Variants in UMODL1 observed in about 807,000 individuals in gnomAD.
UMODL1 encodes the protein uromodulin-like 1.
A neutral mutation model predicts 136.3 loss-of-function variants in UMODL1; 128 were observed. That is an observed-to-expected ratio of 0.94 (90% confidence interval 0.81 to 1.09). The LOEUF (loss-of-function observed/expected upper bound fraction) is 1.09. Ranked by LOEUF, UMODL1 falls within the 50% of genes least tolerant of loss-of-function variation. The pLI, the probability that UMODL1 is intolerant of heterozygous loss-of-function variation, is 0.00. For synonymous variants in UMODL1, 721 were observed against 720.0 expected (o/e 1.00, Z -0.02); for missense variants, 1,766 against 1,725.6 (o/e 1.02, Z -0.41).
rs200626572 is a variant in UMODL1, at chr21:42,119,201, G to C, written c.2566G>C (p.Val856Leu). 1.5e-4 allele frequency: 241 copies of C among 1,614,094 alleles called. 1 individual carries two copies. Among genetic ancestry groups the C allele is most frequent in the Admixed American group, 1.0e-4 (6 of 60,016 alleles). The change falls in exon 15 of 23, where the codon GTG becomes CTG. Residue 856 changes from valine to leucine, a missense_variant. Physicochemically the swap from Val to Leu is conservative, Grantham distance 32. Coordinates refer to ENST00000408910, the MANE Select transcript of UMODL1 (RefSeq NM_001004416.3). ...CGTCAGCGTCACCAACGGCAGCATCGTGGTGGAGTTTCACTTGCTGATAAT... is the reference window on the plus strand; with the variant it reads ...CGTCAGCGTCACCAACGGCAGCATCCTGGTGGAGTTTCACTTGCTGATAAT... ...EVVSVTNGSI[V>L]VEFHLLIIAD...
intron 1 of UMODL1, among the ~76,000 whole-genome samples, chr21:42,074,499 C>T (rs1569138602): frequency 1.3e-5 from 2 of 152,150 alleles, no homozygotes; most frequent in Admixed American, 6.5e-5. Context: ...GAAGCCCAGG[C>T]ACCACGTCAG....
chr21:42,131,444 G>A (rs1297028601), intron 21 of UMODL1, among the ~76,000 whole-genome samples: 1 of 39,342 alleles, frequency 2.5e-5, no homozygotes, highest in African/African-American at 6.6e-5. Flanking sequence ...ACAGGAGGAG[G>A]GAGGTCTCAG....
At chr21:42,126,756 G>A (rs1046519642) in intron 18 of UMODL1, among the ~76,000 whole-genome samples, 1 of 152,134 alleles carries the variant, frequency 6.6e-6, no homozygotes, top group Admixed American at 6.5e-5. Flanking sequence ...CCTCCATCAG[G>A]CACCACTTTT....
In UMODL1 at chr21:42,142,389, G is replaced by A. The variant is rs1481929428; in HGVS notation, c.*315G>A. 6.6e-6 allele frequency: 1 copy of A among 152,328 alleles called. No individual in the cohort carries two copies. Among genetic ancestry groups the A allele is most frequent in the South Asian group, 2.1e-4 (1 of 4,832 alleles). 9.4% of individuals were successfully genotyped at this position (152,328 alleles called of 1,614,324 possible). ...CGGGGGCAGTCCTGGGGGTGCTGCG[G>A]CTACACCACCACCCGCGCGGCCCCC... On this transcript the variant is annotated 3_prime_UTR_variant, in exon 23 of 23. Coordinates refer to ENST00000408910, the MANE Select transcript of UMODL1 (RefSeq NM_001004416.3).
In UMODL1 at chr21:42,099,158, C is replaced by T. The variant is rs745798037; in HGVS notation, c.1164C>T (p.Ser388=). ...TSYQGCGADV[S]TTLTIKTNAQ... is the part of the protein sequence containing the mutation. The stretch of plus-strand genomic sequence containing the variant: ...ACCAGGGGTGCGGGGCCGACGTCTC[C>T]ACCACGCTGACCATCAAAACCAGTA... Residue 388 remains serine (S), a synonymous_variant, in exon 7 of 23, where the codon TCC becomes TCT. Transcript: ENST00000408910. The surrounding 1 kb of genome is among the most constrained non-coding windows in gnomAD (Gnocchi z 4.1). 5.6e-6 allele frequency: 9 copies of T among 1,612,890 alleles called. No individual in the cohort carries two copies. In the South Asian group the frequency reaches 7.7e-5, roughly 14 times the overall value.
At chr21:42,069,895 C>A (rs370136099), upstream of UMODL1, among the ~76,000 whole-genome samples, 1 of 152,014 alleles carries the variant, frequency 6.6e-6, no homozygotes, top group East Asian at 1.9e-4. Flanking sequence ...ATAGCTTTAA[C>A]ATTTATTCTT....
chr21:42,133,381 C>A (rs1026122885), intron 21 of UMODL1, among the ~76,000 whole-genome samples: 1 of 152,246 alleles, frequency 6.6e-6, no homozygotes. Context: ...GGTACCTGCA[C>A]GAGCTGGGCC....
In UMODL1 at chr21:42,090,295, T is replaced by C; in HGVS notation, c.791-3T>C. On this transcript the variant is annotated splice_region_variant and splice_polypyrimidine_tract_variant and intron_variant, in intron 5 of 22. Coordinates refer to ENST00000408910, the MANE Select transcript of UMODL1 (RefSeq NM_001004416.3). ...GTGTGGGTCCTGCTCTCCTTCCCTG[T>C]AGATGTCAATGAGTGTTTCTATGAG... 5.0e-6 allele frequency: 8 copies of C among 1,614,158 alleles called. No homozygotes were observed. The highest frequency in any genetic ancestry group is 6.8e-6 in the Non-Finnish European group (8 of 1,180,010).
In UMODL1 at chr21:42,099,021, C is replaced by T. The variant is rs1174095473; in HGVS notation, c.1027C>T (p.His343Tyr). 6.2e-7 allele frequency: 1 copy of T among 1,614,216 alleles called. No homozygotes were observed. Among genetic ancestry groups the T allele is most frequent in the South Asian group, 1.1e-5 (1 of 91,082 alleles). ...RLNSTQNHTFHVRVYRGMELL... is the reference protein window; with the variant it reads ...RLNSTQNHTFYVRVYRGMELL... ...AAATTCTACACAGAACCACACTTTC[C>T]ATGTCCGGGTTTACCGGGGTATGGA... Residue 343 changes from histidine (H) to tyrosine (Y), a missense_variant, in exon 7 of 23, where the codon CAT becomes TAT. His to Tyr is a moderately conservative substitution (Grantham distance 83). Coordinates refer to ENST00000408910, the MANE Select transcript of UMODL1 (RefSeq NM_001004416.3). The surrounding 1 kb of genome is among the most constrained non-coding windows in gnomAD (Gnocchi z 4.1).
At chr21:42,125,181 A>T (rs1220455310) in intron 17 of UMODL1, among the ~76,000 whole-genome samples, 2 of 152,178 alleles carry the variant, frequency 1.3e-5, no homozygotes, top group Non-Finnish European at 2.9e-5. Flanking sequence ...AACCGGGTGG[A>T]CGTCCTGAGC....
chr21:42,104,606 C>G (rs533761572), intron 9 of UMODL1, among the ~76,000 whole-genome samples: 1 of 152,130 alleles, frequency 6.6e-6, no homozygotes, highest in Admixed American at 6.5e-5. Flanking sequence ...CCTGCCACCA[C>G]GCCTGGCTAA....
intron 17 of UMODL1, 112 bp from the exon 18 acceptor site, chr21:42,126,233 G>C: frequency 6.8e-7 from 1 of 1,471,758 alleles, no homozygotes; most frequent in East Asian, 2.3e-5. Context: ...CTGCTGGGGA[G>C]AGGCTTTAGA....
chr21:42,136,399 G>A (rs964492916), intron 21 of UMODL1, among the ~76,000 whole-genome samples: 8 of 152,212 alleles, frequency 5.3e-5, no homozygotes, highest in African/African-American at 1.7e-4. Flanking sequence ...AAAGTCACTC[G>A]TTTGCTTTCT....
chr21:42,118,550 G>A (rs1162549595), intron 14 of UMODL1, among the ~76,000 whole-genome samples: 1 of 152,174 alleles, frequency 6.6e-6, no homozygotes, highest in African/African-American at 2.4e-5. Flanking sequence ...AAAGCAGGGC[G>A]TTCGGGGGCA....
rs112746788 is a variant in UMODL1, at chr21:42,130,221, C to CGTGTGTGTGT, written c.3775+440_3775+449dup. ...TCAAGCTATAATCAGGCCATGTCAACGTGTGTGTGTGTGTGTGTGTGTGTG... is the reference window on the plus strand; with the variant it reads ...TCAAGCTATAATCAGGCCATGTCAACGTGTGTGTGTGTGTGTGTGTGTGTGTGTGTGTGTG... On this transcript the variant is annotated intron_variant, in intron 21 of 22. Coordinates refer to ENST00000408910, the MANE Select transcript of UMODL1 (RefSeq NM_001004416.3). 4.1e-3 allele frequency among the ~76,000 whole-genome samples: 617 copies of CGTGTGTGTGT among 150,564 alleles called. 4 individuals carry two copies. Among genetic ancestry groups the CGTGTGTGTGT allele is most frequent in the African/African-American group, 0.014 (560 of 41,002 alleles).
chr21:42,122,742 G>C lies in UMODL1; in HGVS notation c.2828-89G>C. 1 of 1,358,040 alleles carries C rather than the reference G, an allele frequency of 7.4e-7. No homozygotes were observed. Among genetic ancestry groups the C allele is most frequent in the Non-Finnish European group, 9.8e-7 (1 of 1,015,494 alleles). 84.1% of individuals were successfully genotyped at this position (1,358,040 alleles called of 1,614,324 possible). On this transcript the variant is annotated intron_variant, in intron 16 of 22. Transcript: ENST00000408910. The surrounding 1 kb of genome is among the most constrained non-coding windows in gnomAD (Gnocchi z 4.3). Reference sequence around the variant, plus strand: ...AGGTGTGGCTGCTGCAGAGTGCAGGGCAGCTCCAGTCTGCTCCTTACCCCT... The same window carrying C: ...AGGTGTGGCTGCTGCAGAGTGCAGGCCAGCTCCAGTCTGCTCCTTACCCCT...
Position 42,078,235 on chromosome 21 carries a change from T to C in UMODL1, c.319+1988T>C, listed in dbSNP as rs12481732. Among the ~76,000 whole-genome samples the C allele has an allele frequency of 9.4e-3, 250 of 26,530 alleles. 14 individuals carry two copies. The highest frequency in any genetic ancestry group is 0.017 in the African/African-American group (100 of 5,774). The allele number at this position is 26,530 out of a possible 152,430, so 17.4% of individuals were successfully genotyped here. ...CCCAGAGCAACACCTCCATCACCAA[T>C]AGAAACCAGGCGGGGCCAGCTGACC... On this transcript the variant is annotated intron_variant, in intron 2 of 22. Coordinates refer to ENST00000408910, the MANE Select transcript of UMODL1 (RefSeq NM_001004416.3).
intron 22 of UMODL1, among the ~76,000 whole-genome samples, chr21:42,139,848 A>G (rs1476918258): frequency 1.3e-5 from 2 of 152,218 alleles, no homozygotes; most frequent in African/African-American, 4.8e-5. Context: ...CATGTTAGTT[A>G]CCAGGAGTCC....
At chr21:42,071,420 G>C in intron 1 of UMODL1, 28 bp downstream of exon 1, 1 of 1,547,510 alleles carries the variant, frequency 6.5e-7, no homozygotes, top group Non-Finnish European at 8.7e-7. Context: ...GGCATGGGCA[G>C]TTCTTAAGGA....
Sources: allele counts gnomAD v4.1 joint callset (sites outside exome capture counted in the v4.1 genomes callset), GRCh38; gene constraint gnomAD v4.1.1; non-coding constraint Gnocchi (gnomAD v3.1); transcripts MANE v1.5; gene names NCBI Gene and HGNC (gene_info 2026-07-23, HGNC 2026-07-21).